The following CNBD1 variants were observed in gnomAD, a reference collection of about 807,000 sequenced individuals.
The protein encoded by CNBD1 is cyclic nucleotide-binding domain-containing protein 1.
Under a neutral mutation model 54.4 loss-of-function variants are expected in CNBD1, and 71 were observed. The ratio of observed to expected loss-of-function variants is 1.30; its 90% CI spans 1.08 to 1.59. The LOEUF (loss-of-function observed/expected upper bound fraction) is 1.59, where lower values mean the gene tolerates loss of function less well. Ranked by LOEUF, CNBD1 falls within the 40% of genes most tolerant of loss-of-function variation. CNBD1 has a pLI of 0.00. For missense variants in CNBD1, 659 were observed against 518.0 expected, an observed-to-expected ratio of 1.27 and a Z score of -2.64; for synonymous variants, 182 against 170.7, an observed-to-expected ratio of 1.07 and a Z score of -0.51.
At chr8:87,102,778 TA>T (rs1241705654) in intron 4 of CNBD1, among the ~76,000 whole-genome samples, 2 of 152,068 alleles carry the variant, frequency 1.3e-5, no homozygotes, top group Non-Finnish European at 2.9e-5. Flanking sequence ...AACGCCCGGC[TA>T]ATTTTTTTGT....
intron 6 of CNBD1, among the ~76,000 whole-genome samples, chr8:87,275,267 G>C (rs1268739552): frequency 7.3e-6 from 1 of 136,964 alleles, no homozygotes; most frequent in Non-Finnish European, 1.6e-5. Flanking sequence ...GCTCTTTTTT[G>C]GTTCCATATG....
At chr8:87,269,654 C>G (rs568999833) in intron 6 of CNBD1, among the ~76,000 whole-genome samples, 1 of 152,108 alleles carries the variant, frequency 6.6e-6, no homozygotes, top group Admixed American at 6.6e-5. Context: ...AAGCTGCATT[C>G]CTATGTGTTT....
intron 5 of CNBD1, among the ~76,000 whole-genome samples, chr8:87,207,875 T>C (rs1814011181): frequency 6.6e-6 from 1 of 152,208 alleles, no homozygotes; most frequent in African/African-American, 2.4e-5. Context: ...TACACCTACC[T>C]GTGTCAAAAT....
At chr8:86,922,489 G>C (rs1050428731) in intron 3 of CNBD1, among the ~76,000 whole-genome samples, 1 of 152,104 alleles carries the variant, frequency 6.6e-6, no homozygotes, top group Non-Finnish European at 1.5e-5. Flanking sequence ...CTTTGGTCTT[G>C]TCCTTTGTAC....
At chr8:87,306,740 A>G (rs1219941639) in intron 8 of CNBD1, among the ~76,000 whole-genome samples, 3 of 150,396 alleles carry the variant, frequency 2.0e-5, no homozygotes, top group Non-Finnish European at 3.0e-5. Flanking sequence ...GAATGACACA[A>G]TGGACTTTGG....
intron 3 of CNBD1, among the ~76,000 whole-genome samples, chr8:86,917,826 G>A (rs6468540): frequency 0.95 from 143,924 of 152,202 alleles, 68,145 homozygotes; most frequent in East Asian, 1. Flanking sequence ...TCCAGAAAAA[G>A]ATATGAAATT....
chr8:87,425,435 T>C (rs964296037), intron 2 of CNBD1, among the ~76,000 whole-genome samples: 27 of 152,174 alleles, frequency 1.8e-4, no homozygotes, highest in Non-Finnish European at 2.6e-4. Context: ...CTGTTTTTTC[T>C]CCATCTTTGT....
At chr8:87,156,203 G>A (rs1812730406) in intron 4 of CNBD1, among the ~76,000 whole-genome samples, 2 of 145,578 alleles carry the variant, frequency 1.4e-5, no homozygotes, top group Non-Finnish European at 3.0e-5. Context: ...ACTTGATTTG[G>A]CAACTAGGAA....
chr8:87,182,005 C>T lies in CNBD1; in HGVS notation c.432-23988C>T, dbSNP rs143978857. On this transcript the variant is annotated intron_variant, in intron 4 of 10. Coordinates refer to ENST00000518476, the MANE Select transcript of CNBD1 (RefSeq NM_173538.3). The surrounding 1 kb of genome is among the most constrained non-coding windows in gnomAD (Gnocchi z 4.1). The stretch of plus-strand genomic sequence containing the variant: ...ATGATTTTGTCACCCAGGTAGTGAG[C>T]ATAGTATCTGATAGGTAGTTTTTTG... Among the ~76,000 whole-genome samples the T allele has an allele frequency of 3.8e-4, 58 of 152,224 alleles. No homozygotes were observed. Among genetic ancestry groups the T allele is most frequent in the Non-Finnish European group, 7.4e-4 (50 of 67,994 alleles).
At chr8:87,342,531 T>C (rs75152085) in intron 8 of CNBD1, among the ~76,000 whole-genome samples, 2,831 of 152,228 alleles carry the variant, frequency 0.019, 88 homozygotes, top group African/African-American at 0.062. Context: ...GAAAAACTAT[T>C]GGGGGAACCA....
chr8:87,057,832 G>A (rs1810452858), intron 4 of CNBD1, among the ~76,000 whole-genome samples: 1 of 151,942 alleles, frequency 6.6e-6, no homozygotes. Context: ...CTGGGCAACA[G>A]CACAAGACTC....
chr8:87,050,905 A>C (rs1183392391), intron 4 of CNBD1, among the ~76,000 whole-genome samples: 1 of 152,048 alleles, frequency 6.6e-6, no homozygotes, highest in Non-Finnish European at 1.5e-5. Context: ...TGTAGGGGGT[A>C]TTGTTTCTGC....
intron 6 of CNBD1, among the ~76,000 whole-genome samples, chr8:87,249,312 G>T (rs567289303): frequency 6.6e-6 from 1 of 152,226 alleles, no homozygotes; most frequent in Admixed American, 6.6e-5. Flanking sequence ...GGTAATACAA[G>T]TTATGGGGAA....
chr8:86,906,603 C>A (rs1027703315), intron 3 of CNBD1, among the ~76,000 whole-genome samples: 3 of 152,312 alleles, frequency 2.0e-5, no homozygotes, highest in African/African-American at 7.2e-5. Flanking sequence ...TACTCAATTT[C>A]TATTCTAATC....
intron 4 of CNBD1, among the ~76,000 whole-genome samples, chr8:86,956,235 C>CT (rs1807765698): frequency 1.3e-5 from 2 of 152,044 alleles, no homozygotes; most frequent in African/African-American, 4.8e-5. Flanking sequence ...TTACTGTAGC[C>CT]TTGTAGTATA....
chr8:87,368,052 C>T (rs1355413432), intron 10 of CNBD1, among the ~76,000 whole-genome samples: 4 of 152,014 alleles, frequency 2.6e-5, no homozygotes, highest in Non-Finnish European at 5.9e-5. Flanking sequence ...GTCGCAGCTA[C>T]TCAGGAGGCT....
At chr8:86,977,748 G>A (rs1808375192) in intron 4 of CNBD1, among the ~76,000 whole-genome samples, 1 of 151,998 alleles carries the variant, frequency 6.6e-6, no homozygotes, top group African/African-American at 2.4e-5. Flanking sequence ...AGGAATAAAA[G>A]GTCTGCTATC....
chr8:87,335,087 G>T (rs1027703224), intron 8 of CNBD1, among the ~76,000 whole-genome samples: 2 of 152,114 alleles, frequency 1.3e-5, no homozygotes, highest in Admixed American at 1.3e-4. Context: ...TATGATTTCA[G>T]TTCTTTTGCA....
At chr8:87,123,332 G>A (rs896364760) in intron 4 of CNBD1, among the ~76,000 whole-genome samples, 1 of 151,696 alleles carries the variant, frequency 6.6e-6, no homozygotes, top group Non-Finnish European at 1.5e-5. Context: ...TGTGGCAATG[G>A]TATGAAACTA....
Sources: allele counts gnomAD v4.1 joint callset (sites outside exome capture counted in the v4.1 genomes callset), GRCh38; gene constraint gnomAD v4.1.1; non-coding constraint Gnocchi (gnomAD v3.1); transcripts MANE v1.5; gene names NCBI Gene and HGNC (gene_info 2026-07-23, HGNC 2026-07-21).